THSD7A: variants seen among roughly 807,000 people sequenced by gnomAD.
THSD7A encodes the protein thrombospondin type-1 domain-containing protein 7A.
Under a neutral mutation model 231.3 loss-of-function variants are expected in THSD7A, and 96 were observed. That is an observed-to-expected ratio of 0.41 (90% CI 0.35 to 0.49). The LOEUF is 0.49. Ranked by LOEUF, THSD7A falls within the 20% of genes least tolerant of loss-of-function variation. The pLI is 0.05. For missense variants in THSD7A, 2,290 were observed against 2,070.2 expected (o/e 1.11, Z -2.06); for synonymous variants, 940 against 743.3 (o/e 1.26, Z -4.30).
chr7:11,512,962 T>TATATATATATATATATATATATATAAA (rs1554327865), intron 6 of THSD7A, among the ~76,000 whole-genome samples: 1 of 144,850 alleles, frequency 6.9e-6, no homozygotes, highest in African/African-American at 2.6e-5. Flanking sequence ...TATATATATG[T>TATATATATATATATATATATATATAAA]AAAATACTAC....
intron 1 of THSD7A, among the ~76,000 whole-genome samples, chr7:11,828,550 T>C (rs1389711174): frequency 2.6e-5 from 4 of 152,168 alleles, no homozygotes; most frequent in Non-Finnish European, 4.4e-5. Flanking sequence ...TGTTGTTTAA[T>C]TGTGAGTATC....
chr7:11,583,541 G>T (rs1206397232), intron 4 of THSD7A, among the ~76,000 whole-genome samples: 1 of 152,240 alleles, frequency 6.6e-6, no homozygotes, highest in Non-Finnish European at 1.5e-5. Flanking sequence ...CTCACAAAGT[G>T]GTGGGATTAC....
intron 6 of THSD7A, among the ~76,000 whole-genome samples, chr7:11,505,217 T>A (rs1291688295): frequency 6.6e-6 from 1 of 152,190 alleles, no homozygotes; most frequent in African/African-American, 2.4e-5. Context: ...TAAAATTCTT[T>A]GATAAAAGAA....
intron 17 of THSD7A, among the ~76,000 whole-genome samples, chr7:11,416,437 T>A (rs1300194374): frequency 6.6e-6 from 1 of 152,240 alleles, no homozygotes; most frequent in Non-Finnish European, 1.5e-5. Flanking sequence ...TGATGTAACT[T>A]CAAATCTGAT....
intron 1 of THSD7A, among the ~76,000 whole-genome samples, chr7:11,787,105 C>G (rs1783817196): frequency 6.6e-6 from 1 of 152,044 alleles, no homozygotes; most frequent in Non-Finnish European, 1.5e-5. Flanking sequence ...GAGAGCAACA[C>G]TCAGATTGAA....
At chr7:11,503,392 C>A (rs954702381) in intron 6 of THSD7A, among the ~76,000 whole-genome samples, 1 of 152,092 alleles carries the variant, frequency 6.6e-6, no homozygotes, top group Admixed American at 6.5e-5. Context: ...ATCTTAGACA[C>A]AGGAATGGGC....
intron 6 of THSD7A, among the ~76,000 whole-genome samples, chr7:11,517,795 T>C (rs932754946): frequency 5.9e-5 from 9 of 152,264 alleles, no homozygotes; most frequent in Non-Finnish European, 1.2e-4. Flanking sequence ...CTCTATATGC[T>C]AATTTGCATT....
intron 6 of THSD7A, among the ~76,000 whole-genome samples, chr7:11,500,250 T>G (rs891472147): frequency 1.1e-4 from 17 of 152,110 alleles, no homozygotes; most frequent in African/African-American, 4.1e-4. Flanking sequence ...GAAAGAGAAA[T>G]AAGATGCTTT....
chr7:11,669,397 A>G (rs1004438280), intron 1 of THSD7A, among the ~76,000 whole-genome samples: 1 of 152,010 alleles, frequency 6.6e-6, no homozygotes, highest in Non-Finnish European at 1.5e-5. Context: ...GAAACAAAGA[A>G]TAAGATGCTT....
intron 4 of THSD7A, among the ~76,000 whole-genome samples, chr7:11,580,471 G>T (rs1056149291): frequency 6.6e-6 from 1 of 152,058 alleles, no homozygotes; most frequent in Non-Finnish European, 1.5e-5. Flanking sequence ...ATAACTTCAA[G>T]GCTTTTATCA....
chr7:11,709,549 T>A (rs1014582547), intron 1 of THSD7A, among the ~76,000 whole-genome samples: 4 of 150,820 alleles, frequency 2.7e-5, no homozygotes, highest in African/African-American at 9.7e-5. Flanking sequence ...TCTACCCATC[T>A]CCAACTGCTG....
chr7:11,394,282 A>G (rs1442081928), intron 23 of THSD7A, among the ~76,000 whole-genome samples: 1 of 152,242 alleles, frequency 6.6e-6, no homozygotes, highest in Non-Finnish European at 1.5e-5. Flanking sequence ...AGCAAAGGAG[A>G]AATAAAATTC....
intron 6 of THSD7A, among the ~76,000 whole-genome samples, chr7:11,509,458 A>T (rs568517655): frequency 2.6e-5 from 4 of 152,186 alleles, no homozygotes; most frequent in Non-Finnish European, 5.9e-5. Context: ...TAACTTTTCA[A>T]TGCTGCTTTT....
chr7:11,669,857 T>C (rs1166602422), intron 1 of THSD7A, among the ~76,000 whole-genome samples: 3 of 152,058 alleles, frequency 2.0e-5, no homozygotes, highest in Non-Finnish European at 4.4e-5. Context: ...ACTCTTGAGA[T>C]GGAGTTTCAT....
In THSD7A at chr7:11,731,483, T is replaced by A. The variant is rs575529295; in HGVS notation, c.191-94522A>T. 4.0e-5 allele frequency among the ~76,000 whole-genome samples: 6 copies of A among 151,784 alleles called. No homozygotes were observed. The East Asian group carries it at 1.2e-3, about 30-fold the overall frequency. On this transcript the variant is annotated intron_variant, in intron 1 of 27. Transcript: ENST00000423059. Reference sequence around the variant, plus strand: ...TAACTACTTCCATAATGTCTCAGAGTTACTAATAGAAGTTACATATTTATG... The same window carrying A: ...TAACTACTTCCATAATGTCTCAGAGATACTAATAGAAGTTACATATTTATG...
At chr7:11,396,799 A>G (rs1431528711) in intron 23 of THSD7A, among the ~76,000 whole-genome samples, 2 of 152,194 alleles carry the variant, frequency 1.3e-5, no homozygotes, top group Non-Finnish European at 2.9e-5. Flanking sequence ...CATCATCCCG[A>G]TACCAAAACC....
rs186170732 is a variant in THSD7A at position 11,600,516 on chromosome 7, G to A, written c.1023-7014C>T. On this transcript the variant is annotated intron_variant, in intron 2 of 27. Coordinates refer to ENST00000423059, the MANE Select transcript of THSD7A (RefSeq NM_015204.3). The stretch of plus-strand genomic sequence containing the variant: ...AATTATAATGCCTACATATGAAGAT[G>A]AAGATGATGGTATGGACGTCATCAA... Among the ~76,000 whole-genome samples, 574 of 152,282 alleles carry A rather than the reference G, an allele frequency of 3.8e-3. 4 individuals carry two copies. The highest frequency in any genetic ancestry group is 6.9e-3 in the Non-Finnish European group (468 of 68,016).
In THSD7A at chr7:11,767,827, C is replaced by T. The variant is rs372840523; in HGVS notation, c.190+63930G>A. ...GTAGAAAACAATGGGTTGAGGACAA[C>T]AGAAGCTCCAACAAGGAAACAGCTC... On this transcript the variant is annotated intron_variant, in intron 1 of 27. Transcript: ENST00000423059. 7.9e-5 allele frequency among the ~76,000 whole-genome samples: 12 copies of T among 152,192 alleles called. No individual in the cohort carries two copies. In the East Asian group the frequency reaches 2.3e-3, roughly 29 times the overall value.
chr7:11,751,299 G>A (rs1481266273), intron 1 of THSD7A: 1 of 152,026 alleles, frequency 6.6e-6, no homozygotes, highest in Non-Finnish European at 1.5e-5. Context: ...TCTATTAGGG[G>A]AGGAAAAGAG....
Sources: gnomAD v4.1 joint callset for allele counts (sites outside exome capture counted in the v4.1 genomes callset) on GRCh38, gnomAD v4.1.1 for gene constraint, MANE v1.5 for transcripts, NCBI Gene and HGNC (gene_info 2026-07-23, HGNC 2026-07-21) for gene names.